The following ARID1B variants were observed in gnomAD, a reference collection of about 807,000 sequenced individuals.
ARID1B encodes the protein AT-rich interaction domain 1B, also known as AT-rich interactive domain-containing protein 1B.
Under a neutral mutation model 212.3 loss-of-function variants are expected in ARID1B, and 30 were observed. That is an observed-to-expected ratio of 0.14 (90% CI 0.11 to 0.19). ARID1B has a LOEUF of 0.19. Ranked by LOEUF, ARID1B falls within the 10% of genes least tolerant of loss-of-function variation. The probability of loss-of-function intolerance (pLI) is 1.00; values close to 1 mark genes in which losing one functional copy is unlikely to be tolerated. For missense variants in ARID1B, 2,891 were observed against 3,204.0 expected, an observed-to-expected ratio of 0.90 and a Z score of 2.36; for synonymous variants, 1,402 against 1,301.7, an observed-to-expected ratio of 1.08 and a Z score of -1.66.
intron 4 of ARID1B, among the ~76,000 whole-genome samples, chr6:156,957,101 A>C (rs78304073): frequency 0.027 from 4,133 of 152,282 alleles, 183 homozygotes; most frequent in African/African-American, 0.092. Context: ...TGAAGGAACA[A>C]ATATATTTTA....
intron 1 of ARID1B, among the ~76,000 whole-genome samples, chr6:156,813,061 C>CATAT (rs369388273): frequency 2.1e-4 from 29 of 138,358 alleles, no homozygotes; most frequent in African/African-American, 5.7e-4. Context: ...TATGTATATA[C>CATAT]ATATATATAT....
At chr6:156,984,746 G>T (rs1277771857) in intron 4 of ARID1B, 2 of 152,222 alleles carry the variant, frequency 1.3e-5, no homozygotes, top group East Asian at 3.9e-4. Flanking sequence ...GAATGCAGTG[G>T]TGCAGTCATG....
chr6:157,189,511 T>A lies in ARID1B; in HGVS notation c.3920-131T>A, dbSNP rs112902616. ...ACAACATCATTATCAGCAATGGCTA[T>A]TGTTACTGTTTCTAATAAGATGGTG... On this transcript the variant is annotated intron_variant, in intron 13 of 19. Coordinates refer to ENST00000636930, the MANE Select transcript of ARID1B (RefSeq NM_001374828.1). 2,608 of 1,104,712 alleles carry A rather than the reference T, an allele frequency of 2.4e-3. 45 individuals are homozygous for A. In the African/African-American group the frequency reaches 0.038, roughly 16 times the overall value. The allele number at this position is 1,104,712 out of a possible 1,614,324, so 68.4% of individuals were successfully genotyped here.
At chr6:157,086,065 T>C (rs182027155) in intron 5 of ARID1B, among the ~76,000 whole-genome samples, 1 of 152,388 alleles carries the variant, frequency 6.6e-6, no homozygotes, top group Non-Finnish European at 1.5e-5. Flanking sequence ...ATGACTATAA[T>C]TTATCATCCA....
At chr6:156,897,264 C>CTTCTTATTATTATTATTATTATTATTA (rs71027320) in intron 2 of ARID1B, among the ~76,000 whole-genome samples, 66 of 83,594 alleles carry the variant, frequency 7.9e-4, no homozygotes, top group Non-Finnish European at 1.1e-3. Context: ...TCTTCTTCTT[C>CTTCTTATTATTATTATTATTATTATTA]TTATTATTAT....
At chr6:156,905,248 ACG>A (rs1023678401) in intron 3 of ARID1B, among the ~76,000 whole-genome samples, 1 of 135,108 alleles carries the variant, frequency 7.4e-6, no homozygotes, top group African/African-American at 2.9e-5. Context: ...TCACATATGC[ACG>A]CACACACACA....
intron 2 of ARID1B, among the ~76,000 whole-genome samples, chr6:156,874,669 A>AACC (rs1174889756): frequency 6.6e-6 from 1 of 151,986 alleles, no homozygotes; most frequent in Non-Finnish European, 1.5e-5. Context: ...CTCTTACACA[A>AACC]ACCCCGCCTT....
rs1446710140 is a variant in ARID1B at position 157,200,444 on chromosome 6, A to T, written c.4480-261A>T. On this transcript the variant is annotated intron_variant, in intron 17 of 19. Coordinates refer to ENST00000636930, the MANE Select transcript of ARID1B (RefSeq NM_001374828.1). The surrounding 1 kb of genome is among the most constrained non-coding windows in gnomAD (Gnocchi z 4.3). ...CTGGCTGTCCCGGTGGCACAGCCTA[A>T]GGAGAGGAGGCTTTTTTTTTTCCAC... 6.6e-6 allele frequency among the ~76,000 whole-genome samples: 1 copy of T among 150,994 alleles called. No homozygotes were observed. The highest frequency in any genetic ancestry group is 2.4e-5 in the African/African-American group (1 of 41,142).
chr6:156,858,166 TA>T (rs371480180), intron 2 of ARID1B, among the ~76,000 whole-genome samples: 194 of 135,860 alleles, frequency 1.4e-3, no homozygotes, highest in East Asian at 0.014. Flanking sequence ...AGATGGGAGC[TA>T]AAAAAAAAAA....
At chr6:156,822,422 A>G (rs1394889915) in intron 1 of ARID1B, among the ~76,000 whole-genome samples, 2 of 152,176 alleles carry the variant, frequency 1.3e-5, no homozygotes, top group Non-Finnish European at 2.9e-5. Context: ...TGTGGACCCG[A>G]GTTGGGAGAC....
At chr6:156,874,936 A>G (rs1211310692) in intron 2 of ARID1B, among the ~76,000 whole-genome samples, 2 of 152,204 alleles carry the variant, frequency 1.3e-5, no homozygotes, top group Non-Finnish European at 2.9e-5. Context: ...TAAGAGCAGG[A>G]GCCACATCTG....
At chr6:156,995,864 C>T (rs1367038919) in intron 4 of ARID1B, among the ~76,000 whole-genome samples, 1 of 152,180 alleles carries the variant, frequency 6.6e-6, no homozygotes, top group Non-Finnish European at 1.5e-5. Flanking sequence ...TTAAATGCGT[C>T]TTATATATTA....
At chr6:156,968,899 T>C (rs1050620199) in intron 4 of ARID1B, among the ~76,000 whole-genome samples, 1 of 152,248 alleles carries the variant, frequency 6.6e-6, no homozygotes, top group African/African-American at 2.4e-5. Context: ...GGTTGTGTGC[T>C]AGCTGCTTGG....
intron 7 of ARID1B, among the ~76,000 whole-genome samples, chr6:157,135,735 T>C (rs2128592976): frequency 6.6e-6 from 1 of 152,350 alleles, no homozygotes; most frequent in South Asian, 2.1e-4. Context: ...TAAATACTCT[T>C]CACTTTTTCT....
chr6:157,005,444 G>T (rs534442405), intron 4 of ARID1B, among the ~76,000 whole-genome samples: 8 of 152,160 alleles, frequency 5.3e-5, no homozygotes, highest in Non-Finnish European at 1.0e-4. Flanking sequence ...GTGAGTCACC[G>T]TGCCAGGCCC....
At chr6:157,174,396 A>G in intron 10 of ARID1B, 1 of 312,938 alleles carries the variant, frequency 3.2e-6, no homozygotes, top group Non-Finnish European at 5.9e-6. Flanking sequence ...GGGGAGAAGT[A>G]GGGGTCCTGC....
chr6:156,920,414 T>C (rs1285231430), intron 3 of ARID1B, among the ~76,000 whole-genome samples: 1 of 152,272 alleles, frequency 6.6e-6, no homozygotes, highest in Non-Finnish European at 1.5e-5. Flanking sequence ...TACTCTCAGC[T>C]GCTTTCATTT....
At chr6:157,103,917 C>T (rs546855086) in intron 5 of ARID1B, among the ~76,000 whole-genome samples, 2 of 148,008 alleles carry the variant, frequency 1.4e-5, no homozygotes, top group East Asian at 2.0e-4. Flanking sequence ...CTCACTGCAA[C>T]GTCCACTTCC....
At chr6:157,060,192 A>G (rs888127826) in intron 4 of ARID1B, among the ~76,000 whole-genome samples, 8 of 152,224 alleles carry the variant, frequency 5.3e-5, no homozygotes, top group African/African-American at 1.9e-4. Context: ...AAAACAATCC[A>G]TCAGTCGATA....
Sources: gnomAD v4.1 joint callset for allele counts (sites outside exome capture counted in the v4.1 genomes callset) on GRCh38, gnomAD v4.1.1 for gene constraint, Gnocchi (gnomAD v3.1) non-coding constraint, MANE v1.5 for transcripts, NCBI Gene and HGNC (gene_info 2026-07-23, HGNC 2026-07-21) for gene names.